The following ZNF609 variants were observed in gnomAD, a reference collection of about 807,000 sequenced individuals.
ZNF609 encodes the protein zinc finger protein 609.
Under a neutral mutation model 109.5 loss-of-function variants are expected in ZNF609, and 11 were observed. That is an observed-to-expected ratio of 0.10 (90% CI 0.06 to 0.17). The LOEUF (loss-of-function observed/expected upper bound fraction) is 0.17. Ranked by LOEUF, ZNF609 falls within the 10% of genes least tolerant of loss-of-function variation. The pLI is 1.00. For synonymous variants in ZNF609, 646 were observed against 662.0 expected (o/e 0.98, Z 0.37); for missense variants, 1,559 against 1,772.4 (o/e 0.88, Z 2.16).
chr15:64,553,743 C>T (rs2140395731), intron 2 of ZNF609, among the ~76,000 whole-genome samples: 1 of 152,068 alleles, frequency 6.6e-6, no homozygotes, highest in South Asian at 2.1e-4. Context: ...GGACTACAGG[C>T]ACCTGACACC....
chr15:64,665,783 G>A (rs1261590979), intron 3 of ZNF609, among the ~76,000 whole-genome samples: 1 of 152,004 alleles, frequency 6.6e-6, no homozygotes, highest in Non-Finnish European at 1.5e-5. Context: ...GTACATGCCT[G>A]TAATCCCAGC....
intron 2 of ZNF609, among the ~76,000 whole-genome samples, chr15:64,622,328 C>T (rs367917357): frequency 6.6e-6 from 1 of 152,282 alleles, no homozygotes; most frequent in African/African-American, 2.4e-5. Flanking sequence ...ATTTCTTCCT[C>T]TCTTTATCCC....
chr15:64,509,326 C>T (rs950809819), intron 2 of ZNF609, among the ~76,000 whole-genome samples: 1 of 152,096 alleles, frequency 6.6e-6, no homozygotes, highest in African/African-American at 2.4e-5. Context: ...ATAGTACTGA[C>T]CTCATAGGGT....
intron 2 of ZNF609, among the ~76,000 whole-genome samples, chr15:64,561,043 C>T (rs564945474): frequency 6.5e-4 from 99 of 152,266 alleles, no homozygotes; most frequent in African/African-American, 2.3e-3. Context: ...TTAAACTGAT[C>T]TTACCATTAT....
At chr15:64,479,243 A>G (rs1178400303) in intron 1 of ZNF609, among the ~76,000 whole-genome samples, 1 of 140,140 alleles carries the variant, frequency 7.1e-6, no homozygotes, top group Non-Finnish European at 1.5e-5. Flanking sequence ...GTGAAATGAC[A>G]TTTTCTGCCA....
intron 2 of ZNF609, among the ~76,000 whole-genome samples, chr15:64,527,180 A>G (rs1232588527): frequency 6.6e-6 from 1 of 150,612 alleles, no homozygotes; most frequent in African/African-American, 2.4e-5. Flanking sequence ...TCCTTCATTC[A>G]TGCTTTCTGT....
At chr15:64,618,012 T>TTA (rs1197572963) in intron 2 of ZNF609, among the ~76,000 whole-genome samples, 1 of 152,228 alleles carries the variant, frequency 6.6e-6, no homozygotes. Context: ...TCTAATGACC[T>TTA]TAACTTTTTA....
intron 2 of ZNF609, among the ~76,000 whole-genome samples, chr15:64,594,870 C>CA (rs1373547773): frequency 6.7e-6 from 1 of 149,404 alleles, no homozygotes; most frequent in Admixed American, 6.7e-5. Flanking sequence ...ACTAAAAATA[C>CA]AAAAAATTAG....
At chr15:64,650,969 A>G (rs1390192685) in intron 3 of ZNF609, among the ~76,000 whole-genome samples, 1 of 152,162 alleles carries the variant, frequency 6.6e-6, no homozygotes, top group Non-Finnish European at 1.5e-5. Context: ...GGCAGAGCCA[A>G]TTTGGCAGTC....
rs1470660820 is a variant in ZNF609 at position 64,684,532 on chromosome 15, C to G, written c.*2846C>G. 6.6e-6 allele frequency: 1 copy of G among 152,362 alleles called. No individual in the cohort carries two copies. The highest frequency in any genetic ancestry group is 2.4e-5 in the African/African-American group (1 of 41,462). The allele number at this position is 152,362 out of a possible 1,614,324, so 9.4% of individuals were successfully genotyped here. On this transcript the variant is annotated 3_prime_UTR_variant, in exon 10 of 10. Transcript: ENST00000326648. ...AGTTCCCTTCATCCCCTTTTCCTGC[C>G]TTGTACATGTACATGTATGAAATTT...
intron 3 of ZNF609, among the ~76,000 whole-genome samples, chr15:64,658,203 AT>A (rs376997288): frequency 5.0e-4 from 73 of 146,176 alleles, no homozygotes; most frequent in Admixed American, 1.0e-3. Context: ...AAAAATTACT[AT>A]TTTTTTTTTT....
At chr15:64,568,934 G>A (rs965653078) in intron 2 of ZNF609, among the ~76,000 whole-genome samples, 1 of 152,104 alleles carries the variant, frequency 6.6e-6, no homozygotes, top group African/African-American at 2.4e-5. Context: ...AACATGATGT[G>A]GTTTGTTTAC....
chr15:64,511,927 A>G (rs1474783917), intron 2 of ZNF609, among the ~76,000 whole-genome samples: 1 of 151,534 alleles, frequency 6.6e-6, no homozygotes, highest in Non-Finnish European at 1.5e-5. Flanking sequence ...GTTGGCCAGG[A>G]TGGTCTTGAT....
At chr15:64,470,465 G>A (rs977172864) in intron 1 of ZNF609, 7 of 151,480 alleles carry the variant, frequency 4.6e-5, no homozygotes, top group African/African-American at 1.7e-4. Context: ...AAGCTGGTTG[G>A]TAAGTGTTTC....
At position 64,670,418 on chromosome 15, in the gene ZNF609, A is replaced by T; in HGVS notation, c.1046A>T (p.Asp349Val). 1.2e-6 allele frequency: 2 copies of T among 1,614,118 alleles called. No individual in the cohort carries two copies. Among genetic ancestry groups the T allele is most frequent in the Non-Finnish European group, 1.7e-6 (2 of 1,179,978 alleles). Reference sequence around the variant, plus strand: ...ACACTCCTTGACTGCACACGACATGATTGGGCACCCCCAAGGTAAGCACTT... The same window carrying T: ...ACACTCCTTGACTGCACACGACATGTTTGGGCACCCCCAAGGTAAGCACTT... ...VGTLLDCTRH[D>V]WAPPRFCDSP... Residue 349 changes from aspartate to valine, a missense_variant, in exon 4 of 10, where the codon GAT becomes GTT. Around this residue, in one of 4 missense-constraint regions of ZNF609, gnomAD observed 38 missense variants for 82.1 expected, o/e 0.46. Coordinates refer to ENST00000326648, the MANE Select transcript of ZNF609 (RefSeq NM_015042.2).
At position 64,674,311 on chromosome 15, in the gene ZNF609, A is replaced by C; in HGVS notation, c.1457A>C (p.Asp486Ala). The change falls in exon 5 of 10, where the codon GAC becomes GCC. Residue 486 changes from aspartate (D) to alanine (A), a missense_variant. This residue lies in a region of ZNF609 where 1,204 missense variants were observed against 1,314.1 expected (regional missense o/e 0.92). Transcript: ENST00000326648. ...PGTKVEPTVL[D>A]RNCPSPVLID... is the part of the protein sequence containing the mutation. ...ACAAAGGTAGAACCCACTGTTCTGGACAGAAACTGCCCCTCCCCCGTCCTA... is the reference window on the plus strand; with the variant it reads ...ACAAAGGTAGAACCCACTGTTCTGGCCAGAAACTGCCCCTCCCCCGTCCTA... 1 of 1,614,124 alleles carries C rather than the reference A, an allele frequency of 6.2e-7. No individual in the cohort carries two copies. Among genetic ancestry groups the C allele is most frequent in the Non-Finnish European group, 8.5e-7 (1 of 1,180,024 alleles).
intron 1 of ZNF609, among the ~76,000 whole-genome samples, chr15:64,471,070 A>G (rs539062340): frequency 6.6e-6 from 1 of 152,244 alleles, no homozygotes; most frequent in South Asian, 2.1e-4. Flanking sequence ...TGTACTTAAA[A>G]CATCTGTTGG....
chr15:64,609,708 AAG>A (rs1826971369), intron 2 of ZNF609, among the ~76,000 whole-genome samples: 1 of 151,038 alleles, frequency 6.6e-6, no homozygotes, highest in Non-Finnish European at 1.5e-5. Flanking sequence ...GACTAGGTAT[AAG>A]AGGGGGAAAA....
intron 2 of ZNF609, among the ~76,000 whole-genome samples, chr15:64,572,161 A>G (rs1894868249): frequency 6.6e-6 from 1 of 152,200 alleles, no homozygotes; most frequent in African/African-American, 2.4e-5. Context: ...ATGGTTCTGT[A>G]AACAAAAATG....
Sources: allele counts gnomAD v4.1 joint callset (sites outside exome capture counted in the v4.1 genomes callset), GRCh38; gene constraint gnomAD v4.1.1; regional missense constraint gnomAD v4.1.1; transcripts MANE v1.5; gene names NCBI Gene and HGNC (gene_info 2026-07-23, HGNC 2026-07-21).